DHX37: variants seen among roughly 807,000 people sequenced by gnomAD.
The protein encoded by DHX37 is probable ATP-dependent RNA helicase DHX37.
Under a neutral mutation model 134.3 loss-of-function variants are expected in DHX37, and 52 were observed. The observed-to-expected ratio is 0.39, with a 90% CI of 0.31 to 0.49. The LOEUF (loss-of-function observed/expected upper bound fraction) is 0.49. Among genes scored for constraint, DHX37 ranks in the 20% least tolerant of loss-of-function variants. The probability of loss-of-function intolerance (pLI) is 0.93; values close to 1 mark genes in which losing one functional copy is unlikely to be tolerated. For synonymous variants in DHX37, 634 were observed against 670.7 expected (o/e 0.95, Z 0.85); for missense variants, 1,344 against 1,580.8 (o/e 0.85, Z 2.54).
At chr12:124,983,409 T>C (rs1463614945) in intron 2 of DHX37, among the ~76,000 whole-genome samples, 1 of 106,634 alleles carries the variant, frequency 9.4e-6, no homozygotes, top group Non-Finnish European at 1.9e-5. Context: ...CACACTTCTA[T>C]GTGTGTATTA....
intron 12 of DHX37, 104 bp from the exon 13 acceptor site, chr12:124,965,916 A>G: frequency 1.4e-6 from 2 of 1,437,744 alleles, no homozygotes; most frequent in South Asian, 2.8e-5. Flanking sequence ...CCCGGTCCAC[A>G]CCCATGGGCC....
At chr12:124,968,800 G>C in intron 9 of DHX37, 67 bp downstream of exon 9, 2 of 1,603,874 alleles carry the variant, frequency 1.2e-6, no homozygotes, top group South Asian at 2.2e-5. Context: ...GGTCTCTCAG[G>C]GGGCTCCCGA....
intron 14 of DHX37, 91 bp downstream of exon 14, chr12:124,964,839 C>T (rs1479932057): frequency 4.1e-6 from 6 of 1,458,374 alleles, no homozygotes; most frequent in Non-Finnish European, 5.6e-6. Context: ...GATCAAACAG[C>T]AGATGGAGAG....
At chr12:124,956,144 C>T (rs1420390374) in intron 18 of DHX37, among the ~76,000 whole-genome samples, 1 of 152,206 alleles carries the variant, frequency 6.6e-6, no homozygotes, top group Non-Finnish European at 1.5e-5. Flanking sequence ...CCTGCCTGTA[C>T]CATTCACAGT....
At chr12:124,985,925 T>C (rs1033099312) in intron 2 of DHX37, among the ~76,000 whole-genome samples, 171 bp downstream of exon 2, 4 of 151,996 alleles carry the variant, frequency 2.6e-5, no homozygotes, top group African/African-American at 9.7e-5. Flanking sequence ...TTTCAAGTGC[T>C]CAACAGCAAT....
In DHX37 at chr12:124,949,842, C is replaced by G; in HGVS notation, c.3290+144G>C. On this transcript the variant is annotated intron_variant, in intron 25 of 26. Coordinates refer to ENST00000308736, the MANE Select transcript of DHX37 (RefSeq NM_032656.4). The surrounding 1 kb of genome is among the most constrained non-coding windows in gnomAD (Gnocchi z 4.0). ...CCGAGAGCCGCTGCACAGACCGTGG[C>G]TCTGCAGAGCCTTCAGACCTGAGCA... 3 of 943,814 alleles carry G rather than the reference C, an allele frequency of 3.2e-6. No individual in the cohort carries two copies. Among genetic ancestry groups the G allele is most frequent in the Non-Finnish European group, 4.7e-6 (3 of 636,812 alleles). 58.5% of individuals were successfully genotyped at this position (943,814 alleles called of 1,614,324 possible). A position where few individuals can be genotyped will look rare whatever the true frequency, so the allele number is the denominator to read the frequency against.
At chr12:124,987,575 T>A (rs567641576) in intron 1 of DHX37, among the ~76,000 whole-genome samples, 65 of 152,302 alleles carry the variant, frequency 4.3e-4, no homozygotes, top group African/African-American at 1.4e-3. Flanking sequence ...GTCACTGCCA[T>A]CATAACGGTT....
In DHX37 at chr12:124,964,411, C is replaced by T. The variant is rs1206419934; in HGVS notation, c.2028G>A (p.Glu676=). Residue 676 remains glutamate (E), a synonymous_variant, in exon 15 of 27, where the codon GAG becomes GAA. Coordinates refer to ENST00000308736, the MANE Select transcript of DHX37 (RefSeq NM_032656.4). ...DQRAGRAGRT[E]PGHCYRLYSS... ...TGACCCACCTGTAGCAGTGGCCGGG[C>T]TCCGTCCGTCCTGCTCTGCCCGCTC... The T allele has an allele frequency of 6.2e-7, 1 of 1,613,568 alleles. No homozygotes were observed. The highest frequency in any genetic ancestry group is 1.3e-5 in the African/African-American group (1 of 74,914).
rs756874310 is a variant in DHX37 at position 124,957,109 on chromosome 12, G to C, written c.2184C>G (p.Pro728=). ...EKVINFPFPT[P]PSVEALLAAE... is the part of the protein sequence containing the mutation. ...CGGCAAGAAGGGCTTCCACGGAGGG[G>C]GGCGTCGGGAAGGGGAAGTTGATGA... Residue 728 remains proline, a synonymous_variant, in exon 17 of 27, where the codon CCC becomes CCG. Transcript: ENST00000308736. 1.4e-5 allele frequency: 21 copies of C among 1,497,208 alleles called. No individual in the cohort carries two copies. In the Admixed American group the frequency reaches 5.1e-4, roughly 37 times the overall value. The allele number at this position is 1,497,208 out of a possible 1,614,324, so 92.7% of individuals were successfully genotyped here.
Position 124,980,392 on chromosome 12 carries a change from C to T in DHX37, c.738+98G>A. 1 of 1,332,472 alleles carries T rather than the reference C, an allele frequency of 7.5e-7. No individual in the cohort carries two copies. Among genetic ancestry groups the T allele is most frequent in the South Asian group, 1.4e-5 (1 of 71,896 alleles). 82.5% of individuals were successfully genotyped at this position (1,332,472 alleles called of 1,614,324 possible). ...TTTCCCAGATGGGGACATGGAGGCA[C>T]AGAGAAGGGATGCCCTTGCCCCACT... On this transcript the variant is annotated intron_variant, in intron 4 of 26. Transcript: ENST00000308736. This position sits in a 1 kb window ranked among gnomAD's most constrained non-coding sequence, Gnocchi z 5.3.
intron 15 of DHX37, among the ~76,000 whole-genome samples, chr12:124,960,905 G>A (rs1473785713): frequency 6.6e-6 from 1 of 152,240 alleles, no homozygotes; most frequent in Admixed American, 6.5e-5. Flanking sequence ...GGGTGAGCCA[G>A]ATGGTGCCAC....
At position 124,947,703 on chromosome 12, in the gene DHX37, C is replaced by T. The variant is rs1354980431; in HGVS notation, c.*99G>A. ...CTTGACCCACTTCCTGAGAGCAGGCCACGAAGCCCATGCCAGGTGGTCACG... is the reference window on the plus strand; with the variant it reads ...CTTGACCCACTTCCTGAGAGCAGGCTACGAAGCCCATGCCAGGTGGTCACG... On this transcript the variant is annotated 3_prime_UTR_variant, in exon 27 of 27. Coordinates refer to ENST00000308736, the MANE Select transcript of DHX37 (RefSeq NM_032656.4). 4.9e-6 allele frequency: 7 copies of T among 1,425,194 alleles called. No homozygotes were observed. Among genetic ancestry groups the T allele is most frequent in the Non-Finnish European group, 6.5e-6 (7 of 1,072,968 alleles). 88.3% of individuals were successfully genotyped at this position (1,425,194 alleles called of 1,614,324 possible).
intron 10 of DHX37, among the ~76,000 whole-genome samples, chr12:124,967,764 C>T (rs898891053): frequency 2.6e-5 from 4 of 152,116 alleles, no homozygotes; most frequent in Non-Finnish European, 5.9e-5. Context: ...GGCCCAAATT[C>T]GGCACACAAG....
In DHX37 at chr12:124,975,500, ATGC is replaced by A; in HGVS notation, c.896_898del (p.Ser299del). 1.2e-6 allele frequency: 2 copies of A among 1,612,498 alleles called. No individual in the cohort carries two copies. The highest frequency in any genetic ancestry group is 1.7e-6 in the Non-Finnish European group (2 of 1,179,998). On this transcript the variant is annotated inframe_deletion, in exon 6 of 27. Transcript: ENST00000308736. The stretch of plus-strand genomic sequence containing the variant: ...TCGGCGGGGCTCCGTGACACCGATG[ATGC>A]TGTCTTCACTGGGGGAGGAAGAACA...
At chr12:124,972,152 A>G (rs1454063987) in intron 7 of DHX37, among the ~76,000 whole-genome samples, 2 of 152,218 alleles carry the variant, frequency 1.3e-5, no homozygotes. Flanking sequence ...GAGCCTGCAC[A>G]CCACAGGCTT....
At chr12:124,950,598 G>A (rs774443764) in intron 22 of DHX37, 48 bp from the exon 23 acceptor site, 2 of 1,551,552 alleles carry the variant, frequency 1.3e-6, no homozygotes, top group Admixed American at 4.0e-5. Context: ...CCCTCCGTGG[G>A]AGGGGCTGCC....
In DHX37 at chr12:124,948,145, C is replaced by G. The variant is rs375177538; in HGVS notation, c.3327G>C (p.Leu1109=). ...CATGGCAGTCAGCCTTCTCTGCAACCAGGGCTCGCAGAAGGCTCTCCGTAC... is the reference window on the plus strand; with the variant it reads ...CATGGCAGTCAGCCTTCTCTGCAACGAGGGCTCGCAGAAGGCTCTCCGTAC... ...QPRTESLLRA[L]VAEKADCHEA... Residue 1109 remains leucine, a synonymous_variant, in exon 26 of 27, where the codon CTG becomes CTC. Coordinates refer to ENST00000308736, the MANE Select transcript of DHX37 (RefSeq NM_032656.4). 59 of 1,614,230 alleles carry G rather than the reference C, an allele frequency of 3.7e-5. No homozygotes were observed. The highest frequency in any genetic ancestry group is 4.7e-5 in the Non-Finnish European group (56 of 1,180,042).
chr12:124,967,057 A>G (rs1297736807), intron 11 of DHX37, 66 bp downstream of exon 11: 11 of 1,577,856 alleles, frequency 7.0e-6, no homozygotes, highest in Non-Finnish European at 9.5e-6. Flanking sequence ...GCTGCACCCC[A>G]GCCAGGGAGC....
intron 16 of DHX37, 21 bp from the exon 17 acceptor site, chr12:124,957,156 G>C: frequency 6.7e-7 from 1 of 1,485,836 alleles, no homozygotes; most frequent in African/African-American, 1.5e-5. Context: ...AGGAGACGTG[G>C]CAGGGACAGG....
Sources: allele counts gnomAD v4.1 joint callset (sites outside exome capture counted in the v4.1 genomes callset), GRCh38; gene constraint gnomAD v4.1.1; non-coding constraint Gnocchi (gnomAD v3.1); transcripts MANE v1.5; gene names NCBI Gene and HGNC (gene_info 2026-07-23, HGNC 2026-07-21).